Variants in SLC15A4 observed in about 807,000 individuals in gnomAD.
SLC15A4 encodes the protein hPHT1.
In SLC15A4, 26 loss-of-function variants were observed where a neutral mutation model predicts 46.1. The observed-to-expected ratio is 0.56, with a 90% CI of 0.41 to 0.78. The LOEUF (loss-of-function observed/expected upper bound fraction) is 0.78. Among genes scored for constraint, SLC15A4 ranks in the 30% least tolerant of loss-of-function variants. The pLI is 0.00. For synonymous variants in SLC15A4, 370 were observed against 333.4 expected, an observed-to-expected ratio of 1.11 and a Z score of -1.20; for missense variants, 751 against 755.7, an observed-to-expected ratio of 0.99 and a Z score of 0.07.
chr12:128,802,553 G>T (rs938534757), intron 5 of SLC15A4, among the ~76,000 whole-genome samples: 1 of 152,190 alleles, frequency 6.6e-6, no homozygotes, highest in African/African-American at 2.4e-5. Flanking sequence ...CAGGAGAGGA[G>T]GAGAGCCTAA....
At chr12:128,799,132 G>A in intron 7 of SLC15A4, 127 bp downstream of exon 7, 2 of 938,890 alleles carry the variant, frequency 2.1e-6, no homozygotes, top group Non-Finnish European at 3.3e-6. Flanking sequence ...TGTGGAAGGA[G>A]CGGTGGACAG....
At chr12:128,810,845 G>C (rs55694928) in intron 2 of SLC15A4, among the ~76,000 whole-genome samples, 22,957 of 152,188 alleles carry the variant, frequency 0.15, 2,093 homozygotes, top group Middle Eastern at 0.23. Flanking sequence ...CACAGAGGAA[G>C]ATGCCGGGGC....
chr12:128,796,072 T>G (rs1028960908), intron 7 of SLC15A4, among the ~76,000 whole-genome samples: 4 of 152,224 alleles, frequency 2.6e-5, no homozygotes, highest in African/African-American at 9.6e-5. Flanking sequence ...GGCACTTCCT[T>G]TTTCTATCTG....
At chr12:128,821,661 G>A (rs1206363783) in intron 1 of SLC15A4, among the ~76,000 whole-genome samples, 1 of 152,156 alleles carries the variant, frequency 6.6e-6, no homozygotes, top group Non-Finnish European at 1.5e-5. Context: ...GCCGAGGCAG[G>A]CAGATCACAA....
rs1254071572 is a variant in SLC15A4 at position 128,799,242 on chromosome 12, A to G, written c.1573+17T>C. 1.9e-6 allele frequency: 3 copies of G among 1,613,666 alleles called. No individual in the cohort carries two copies. The highest frequency in any genetic ancestry group is 2.5e-6 in the Non-Finnish European group (3 of 1,179,806). ...CTCACTGGCTATTTTCAAAAGGGAC[A>G]GGATGCTGGCTCTTACCAAAGTCTG... On this transcript the variant is annotated intron_variant, in intron 7 of 7. Coordinates refer to ENST00000266771, the MANE Select transcript of SLC15A4 (RefSeq NM_145648.4).
rs747843215 is a variant in SLC15A4 at position 128,823,534 on chromosome 12, C to A, written c.410G>T (p.Arg137Leu). Reference sequence around the variant, plus strand: ...ACCAGGCGCCGTGCAGTTGAGCAGGCGCGCGGAACCGCAGAGCGCGGCTCG... The same window carrying A: ...ACCAGGCGCCGTGCAGTTGAGCAGGAGCGCGGAACCGCAGAGCGCGGCTCG... ...ATRAALCGSA[R>L]LLNCTAPGPD... Residue 137 changes from arginine (R) to leucine (L), a missense_variant, in exon 1 of 8, where the codon CGC (arginine) becomes CTC (leucine). Transcript: ENST00000266771. 16 of 1,464,950 alleles carry A rather than the reference C, an allele frequency of 1.1e-5. No individual in the cohort carries two copies. Among genetic ancestry groups the A allele is most frequent in the Middle Eastern group, 2.3e-4 (1 of 4,434 alleles). 90.7% of individuals were successfully genotyped at this position (1,464,950 alleles called of 1,614,324 possible).
intron 7 of SLC15A4, among the ~76,000 whole-genome samples, chr12:128,795,463 T>C (rs1955432572): frequency 6.6e-6 from 1 of 152,196 alleles, no homozygotes; most frequent in South Asian, 2.1e-4. Context: ...CTATAAGGCT[T>C]GAATCCGGCC....
Position 128,808,926 on chromosome 12 carries a change from C to G in SLC15A4, c.1120G>C (p.Ala374Pro). 6.2e-7 allele frequency: 1 copy of G among 1,614,074 alleles called. No individual in the cohort carries two copies. The highest frequency in any genetic ancestry group is 8.5e-7 in the Non-Finnish European group (1 of 1,179,946). Residue 374 changes from alanine to proline, a missense_variant, in exon 5 of 8, where the codon GCT becomes CCT. Coordinates refer to ENST00000266771, the MANE Select transcript of SLC15A4 (RefSeq NM_145648.4). The part of the protein sequence containing the change: ...LPAAWLTMFD[A>P]VLILLLIPLK... ...GGGATGAGCAGGAGGATGAGCACAG[C>G]ATCAAACATGGTCAGCCAGGCTGCA...
chr12:128,816,601 C>T (rs917136186), intron 1 of SLC15A4, among the ~76,000 whole-genome samples: 2 of 152,184 alleles, frequency 1.3e-5, no homozygotes, highest in African/African-American at 4.8e-5. Flanking sequence ...GAAGCCAGGG[C>T]AGGCAGACCG....
intron 5 of SLC15A4, chr12:128,801,834 A>G (rs1282163170): frequency 1.3e-5 from 2 of 152,222 alleles, no homozygotes; most frequent in Admixed American, 6.5e-5. Context: ...AAATATGTTT[A>G]TTTTAAAACA....
At chr12:128,812,537 C>T (rs1002086335) in intron 2 of SLC15A4, among the ~76,000 whole-genome samples, 4 of 152,238 alleles carry the variant, frequency 2.6e-5, no homozygotes, top group South Asian at 2.1e-4. Context: ...AGGATGGTCT[C>T]GATCTCCTGA....
At chr12:128,814,547 G>C in intron 2 of SLC15A4, 1 of 514,938 alleles carries the variant, frequency 1.9e-6, no homozygotes, top group Admixed American at 3.4e-5. Context: ...GTGCAACGTG[G>C]GGTTAAAGCA....
chr12:128,795,684 C>T (rs1011956131), intron 7 of SLC15A4, among the ~76,000 whole-genome samples: 8 of 152,238 alleles, frequency 5.3e-5, no homozygotes, highest in African/African-American at 1.9e-4. Context: ...CAGCCAGCAC[C>T]GGCTAACATC....
In SLC15A4 at chr12:128,810,046, T is replaced by C. The variant is rs758563978; in HGVS notation, c.908A>G (p.His303Arg). 5 of 1,612,728 alleles carry C rather than the reference T, an allele frequency of 3.1e-6. No individual in the cohort carries two copies. The South Asian group carries it at 5.5e-5, about 18-fold the overall frequency. Residue 303 changes from histidine (H) to arginine (R), a missense_variant, in exon 3 of 8, where the codon CAT becomes CGT. Physicochemically the swap from His to Arg is conservative, Grantham distance 29 (BLOSUM62 0). Coordinates refer to ENST00000266771, the MANE Select transcript of SLC15A4 (RefSeq NM_145648.4). Reference sequence around the variant, plus strand: ...TTTCTCTTCTGTAAATGGCCCACCATGAGACATCTTACATGAATCAAACAG... The same window carrying C: ...TTTCTCTTCTGTAAATGGCCCACCACGAGACATCTTACATGAATCAAACAG... ...QSLFDSCKMSHGGPFTEEKVE... is the reference protein window; with the variant it reads ...QSLFDSCKMSRGGPFTEEKVE...
chr12:128,806,501 CA>C (rs1955591355), intron 5 of SLC15A4, among the ~76,000 whole-genome samples: 1 of 152,070 alleles, frequency 6.6e-6, no homozygotes, highest in Admixed American at 6.6e-5. Flanking sequence ...ATGATGGTTT[CA>C]AATCTCTACT....
Position 128,793,478 on chromosome 12 carries a change from G to A in SLC15A4, c.*718C>T, listed in dbSNP as rs1310043452. On this transcript the variant is annotated 3_prime_UTR_variant, in exon 8 of 8. Transcript: ENST00000266771. ...TATAAGCACTCTGACTAGGTAAGGT[G>A]TGAAGTACCCCGTGAGTTGCTCTGT... is the stretch of plus-strand genomic sequence containing the variant. 6.6e-6 allele frequency: 1 copy of A among 152,222 alleles called. No homozygotes were observed. Among genetic ancestry groups the A allele is most frequent in the Non-Finnish European group, 1.5e-5 (1 of 68,044 alleles). The allele number at this position is 152,222 out of a possible 1,614,324, so 9.4% of individuals were successfully genotyped here.
intron 1 of SLC15A4, 124 bp downstream of exon 1, chr12:128,823,274 A>G: frequency 2.1e-6 from 2 of 963,998 alleles, no homozygotes; most frequent in South Asian, 2.3e-5. Context: ...TCGGCACTAG[A>G]CAGAAGCCCC....
At chr12:128,796,391 T>G (rs1389868212) in intron 7 of SLC15A4, among the ~76,000 whole-genome samples, 1 of 124,672 alleles carries the variant, frequency 8.0e-6, no homozygotes, top group East Asian at 2.5e-4. Context: ...ATGGTACCAC[T>G]GCACTCCAGC....
At chr12:128,805,496 T>C (rs1955574029) in intron 5 of SLC15A4, among the ~76,000 whole-genome samples, 1 of 152,196 alleles carries the variant, frequency 6.6e-6, no homozygotes, top group South Asian at 2.1e-4. Flanking sequence ...TAAAGAAATG[T>C]ATAAAACTTT....
Sources: allele counts gnomAD v4.1 joint callset (sites outside exome capture counted in the v4.1 genomes callset), GRCh38; gene constraint gnomAD v4.1.1; transcripts MANE v1.5; gene names NCBI Gene and HGNC (gene_info 2026-07-23, HGNC 2026-07-21).